Variants in C2orf74 observed in about 807,000 individuals in gnomAD.
C2orf74 encodes the protein uncharacterized protein C2orf74.
Under a neutral mutation model 17.9 loss-of-function variants are expected in C2orf74, and 14 were observed. The observed-to-expected ratio is 0.78, with a 90% CI of 0.52 to 1.22. The LOEUF (loss-of-function observed/expected upper bound fraction) is 1.22, where lower values mean the gene tolerates loss of function less well. Ranked by LOEUF, C2orf74 falls within the 50% of genes most tolerant of loss-of-function variation. The pLI is 0.00. For synonymous variants in C2orf74, 79 were observed against 72.6 expected (o/e 1.09, Z -0.44); for missense variants, 217 against 218.4 (o/e 0.99, Z 0.04).
chr2:61,164,532 CA>C lies in C2orf74; in HGVS notation c.*11del, dbSNP rs1415913938. ...GAACATAAAGAGAGGAAATGAAGCT[CA>C]AAAAAGGGTAAGAGTGAAAGAAAAT... On this transcript the variant is annotated 3_prime_UTR_variant, in exon 5 of 5. Transcript: ENST00000432605. The C allele has an allele frequency of 4.0e-6, 6 of 1,494,456 alleles. No individual in the cohort carries two copies. The highest frequency in any genetic ancestry group is 1.4e-5 in the African/African-American group (1 of 69,986). 92.6% of individuals were successfully genotyped at this position (1,494,456 alleles called of 1,614,324 possible). A position where few individuals can be genotyped will look rare whatever the true frequency, so the allele number is the denominator to read the frequency against.
chr2:61,148,761 G>C (rs1685140683), intron 1 of C2orf74, among the ~76,000 whole-genome samples: 1 of 151,680 alleles, frequency 6.6e-6, no homozygotes, highest in Non-Finnish European at 1.5e-5. Flanking sequence ...TTGTCACCCA[G>C]GCTGGAGTGC....
intron 1 of C2orf74, among the ~76,000 whole-genome samples, chr2:61,148,909 G>C (rs1359998045): frequency 6.6e-6 from 1 of 152,162 alleles, no homozygotes; most frequent in Non-Finnish European, 1.5e-5. Context: ...TAGAGACGGG[G>C]ATGTTGATAA....
intron 1 of C2orf74, among the ~76,000 whole-genome samples, chr2:61,149,710 C>T (rs866632136): frequency 6.6e-6 from 1 of 151,622 alleles, no homozygotes; most frequent in African/African-American, 2.4e-5. Flanking sequence ...TCACAAGTAG[C>T]TGGGATTACA....
intron 1 of C2orf74, chr2:61,151,836 C>T (rs1426324148): frequency 6.6e-6 from 1 of 152,282 alleles, no homozygotes; most frequent in African/African-American, 2.4e-5. Context: ...ATCCAGTCCA[C>T]ACTCAAGGGA....
chr2:61,158,212 G>A (rs1041925114), upstream of C2orf74, among the ~76,000 whole-genome samples: 16 of 152,158 alleles, frequency 1.1e-4, no homozygotes, highest in Non-Finnish European at 2.2e-4. Context: ...AGATACCCAT[G>A]AGAGTTACTA....
At chr2:61,146,330 G>A (rs1409572112) in intron 1 of C2orf74, among the ~76,000 whole-genome samples, 4 of 152,162 alleles carry the variant, frequency 2.6e-5, no homozygotes, top group Admixed American at 6.5e-5. Flanking sequence ...ATAAATGAGA[G>A]TCATATGATC....
Position 61,164,614 on chromosome 2 carries a change from A to T in C2orf74, c.*87A>T, listed in dbSNP as rs747468695. 5.6e-6 allele frequency: 6 copies of T among 1,072,566 alleles called. No homozygotes were observed. The highest frequency in any genetic ancestry group is 2.5e-6 in the Non-Finnish European group (2 of 797,836). The allele number at this position is 1,072,566 out of a possible 1,614,324, so 66.4% of individuals were successfully genotyped here. A position where few individuals can be genotyped will look rare whatever the true frequency, so the allele number is the denominator to read the frequency against. ...GGTACAAAATCATGTTGAAACAACA[A>T]AACAATGGGGAATTAAGCAAATAAA... is the stretch of plus-strand genomic sequence containing the variant. On this transcript the variant is annotated 3_prime_UTR_variant, in exon 5 of 5. Transcript: ENST00000432605.
At chr2:61,158,412 C>T (rs1395978186), upstream of C2orf74, among the ~76,000 whole-genome samples, 14 of 152,100 alleles carry the variant, frequency 9.2e-5, no homozygotes, top group Non-Finnish European at 1.5e-5. Context: ...CTGGATAGGG[C>T]AAGGGGTTGG....
Position 61,164,484 on chromosome 2 carries a change from C to T in C2orf74, c.521C>T (p.Pro174Leu). The T allele has an allele frequency of 1.3e-6, 2 of 1,549,972 alleles. No homozygotes were observed. The highest frequency in any genetic ancestry group is 1.7e-6 in the Non-Finnish European group (2 of 1,146,362). ...GTTGTGGATCTTGGGAATGAATACC[C>T]TACACCTCGAAGCTATACTCGAGAA... Reference protein sequence around the residue: ...VIVVDLGNEYPTPRSYTREHK... With the variant: ...VIVVDLGNEYLTPRSYTREHK... Residue 174 changes from proline (P) to leucine (L), a missense_variant, in exon 5 of 5, where the codon CCT (proline) becomes CTT (leucine). Pro to Leu is a moderately conservative substitution (Grantham distance 98). Transcript: ENST00000432605.
intron 1 of C2orf74, among the ~76,000 whole-genome samples, chr2:61,149,136 C>A (rs1215066061): frequency 2.0e-5 from 3 of 152,144 alleles, no homozygotes; most frequent in African/African-American, 4.8e-5. Context: ...AGATATGAAG[C>A]CTAACTACGG....
chr2:61,158,000 C>T, upstream of C2orf74: 1 of 471,254 alleles, frequency 2.1e-6, no homozygotes, highest in Middle Eastern at 3.3e-4. Context: ...GCAAAGAAGT[C>T]TGCAGGCAGG....
At chr2:61,155,657 A>G (rs1685369727) in intron 1 of C2orf74, among the ~76,000 whole-genome samples, 1 of 151,882 alleles carries the variant, frequency 6.6e-6, no homozygotes, top group African/African-American at 2.4e-5. Flanking sequence ...AGTAGCTGGG[A>G]CTATAGGCAC....
At chr2:61,146,350 A>G (rs568937743) in intron 1 of C2orf74, among the ~76,000 whole-genome samples, 1 of 152,330 alleles carries the variant, frequency 6.6e-6, no homozygotes, top group African/African-American at 2.4e-5. Context: ...CCTTATTTCC[A>G]CATAAATTCT....
chr2:61,150,189 C>G (rs113979477), intron 1 of C2orf74, among the ~76,000 whole-genome samples: 180 of 152,316 alleles, frequency 1.2e-3, no homozygotes, highest in African/African-American at 4.1e-3. Context: ...AGTCAGTAAA[C>G]TAAAACTCAG....
chr2:61,157,254 T>G (rs2103630845), upstream of C2orf74, among the ~76,000 whole-genome samples: 1 of 152,318 alleles, frequency 6.6e-6, no homozygotes, highest in Non-Finnish European at 1.5e-5. Context: ...TTGGCCAGGC[T>G]GGTCTCGAAC....
chr2:61,157,825 C>T (rs186506687), upstream of C2orf74: 332 of 467,776 alleles, frequency 7.1e-4, 1 homozygote, highest in African/African-American at 6.2e-3. Context: ...AGCGTGCTCA[C>T]TCATCCTGTA....
At chr2:61,162,708 T>C (rs1685599689) in intron 2 of C2orf74, 99 bp downstream of exon 2, 3 of 1,060,334 alleles carry the variant, frequency 2.8e-6, no homozygotes, top group African/African-American at 3.2e-5. Flanking sequence ...CAAGTAATGA[T>C]ACCATAATTA....
In C2orf74 at chr2:61,164,525, T is replaced by C; in HGVS notation, c.562T>C (p.Ter188ArgextTer14). 2 of 1,511,686 alleles carry C rather than the reference T, an allele frequency of 1.3e-6. No individual in the cohort carries two copies. Among genetic ancestry groups the C allele is most frequent in the South Asian group, 1.3e-5 (1 of 76,486 alleles). The allele number at this position is 1,511,686 out of a possible 1,614,324, so 93.6% of individuals were successfully genotyped here. ...SYTREHKERK[*>R] ...TACTCGAGAACATAAAGAGAGGAAA[T>C]GAAGCTCAAAAAAGGGTAAGAGTGA... Residue 188 changes from the stop codon to arginine, a stop_lost, in exon 5 of 5, where the codon TGA becomes CGA. Coordinates refer to ENST00000432605, the MANE Select transcript of C2orf74 (RefSeq NM_001143959.4).
At chr2:61,157,780 T>C, upstream of C2orf74, 1 of 435,264 alleles carries the variant, frequency 2.3e-6, no homozygotes, top group Non-Finnish European at 4.8e-6. Context: ...CTGCCCCTAG[T>C]TTCCAAATTC....
Sources: gnomAD v4.1 joint callset for allele counts (sites outside exome capture counted in the v4.1 genomes callset) on GRCh38, gnomAD v4.1.1 for gene constraint, MANE v1.5 for transcripts, NCBI Gene and HGNC (gene_info 2026-07-23, HGNC 2026-07-21) for gene names.